The following LRIF1 variants were observed in gnomAD, a reference collection of about 807,000 sequenced individuals.
LRIF1 encodes ligand-dependent nuclear receptor-interacting factor 1.
In LRIF1, 32 loss-of-function variants were observed where a neutral mutation model predicts 52.7. That is an observed-to-expected ratio of 0.61 (90% CI 0.46 to 0.82). The LOEUF (loss-of-function observed/expected upper bound fraction) is 0.82, where lower values mean the gene tolerates loss of function less well. LRIF1 is among the 40% of genes least tolerant of loss of function. The pLI is 0.00. For missense variants in LRIF1, 887 were observed against 892.0 expected, an observed-to-expected ratio of 0.99 and a Z score of 0.07; for synonymous variants, 323 against 317.4, an observed-to-expected ratio of 1.02 and a Z score of -0.19.
chr1:110,962,083 C>CACACAG (rs1312522366), intron 1 of LRIF1, among the ~76,000 whole-genome samples: 54 of 151,754 alleles, frequency 3.6e-4, no homozygotes, highest in African/African-American at 1.3e-3. Flanking sequence ...CACACACACA[C>CACACAG]ACACACACAC....
chr1:110,931,101 A>G, the LRIF1 span, among the ~76,000 whole-genome samples: 1 of 152,074 alleles, frequency 6.6e-6, no homozygotes, highest in African/African-American at 2.4e-5. Context: ...CGTCATTTAC[A>G]TTAGGTATTT....
chr1:110,930,968 C>T, the LRIF1 span, among the ~76,000 whole-genome samples: 1 of 151,868 alleles, frequency 6.6e-6, no homozygotes, highest in African/African-American at 2.4e-5. Flanking sequence ...GCCTGTGGTA[C>T]CATCAAAAGG....
At chr1:110,910,661 C>T in the LRIF1 span, among the ~76,000 whole-genome samples, 2 of 152,190 alleles carry the variant, frequency 1.3e-5, no homozygotes, top group Admixed American at 1.3e-4. Context: ...TCTCTAAGAC[C>T]ACAGTGCAAT....
the LRIF1 span, among the ~76,000 whole-genome samples, chr1:110,887,613 CTT>C: frequency 1.3e-5 from 2 of 152,298 alleles, no homozygotes; most frequent in Admixed American, 6.5e-5. Flanking sequence ...GGCCCTTACT[CTT>C]AAGATTTGTT....
In LRIF1 at chr1:110,951,623, A is replaced by G; in HGVS notation, c.1261T>C (p.Ser421Pro). The part of the protein sequence containing the change: ...VVNIVLAKSK[S>P]SQMETKSLSN... Reference sequence around the variant, plus strand: ...AGTGATTTTGTCTCCATCTGGGAAGATTTACTTTTAGCCAAAACAATATTT... The same window carrying G: ...AGTGATTTTGTCTCCATCTGGGAAGGTTTACTTTTAGCCAAAACAATATTT... Residue 421 changes from serine (S) to proline (P), a missense_variant, in exon 2 of 4, where the codon TCT (serine) becomes CCT (proline). Coordinates refer to ENST00000369763, the MANE Select transcript of LRIF1 (RefSeq NM_018372.4). The G allele has an allele frequency of 1.2e-6, 2 of 1,614,024 alleles. No homozygotes were observed. Among genetic ancestry groups the G allele is most frequent in the East Asian group, 2.2e-5 (1 of 44,876 alleles).
the LRIF1 span, among the ~76,000 whole-genome samples, chr1:110,906,767 C>T: frequency 6.6e-6 from 1 of 151,840 alleles, no homozygotes; most frequent in Non-Finnish European, 1.5e-5. Flanking sequence ...GCTATAGATT[C>T]AATGCAGTCT....
chr1:110,963,288 C>T, intron 1 of LRIF1: 2 of 184,638 alleles, frequency 1.1e-5, no homozygotes, highest in Non-Finnish European at 2.3e-5. Context: ...TCTGCGTGTG[C>T]GTGAGAATCT....
rs1315235940 is a variant in LRIF1 at position 110,951,177 on chromosome 1, T to C, written c.1596+111A>G. 3.5e-6 allele frequency: 3 copies of C among 853,830 alleles called. No homozygotes were observed. The East Asian group carries it at 7.8e-5, about 22-fold the overall frequency. 52.9% of individuals were successfully genotyped at this position (853,830 alleles called of 1,614,324 possible). ...TACTCATATGTGTATAGTCTGTGTG[T>C]GATGGGGTTGGCAGTGGGGGAAAGA... On this transcript the variant is annotated intron_variant, in intron 2 of 3. Transcript: ENST00000369763.
the LRIF1 span, among the ~76,000 whole-genome samples, chr1:110,884,537 C>T: frequency 6.6e-6 from 1 of 152,128 alleles, no homozygotes; most frequent in Non-Finnish European, 1.5e-5. Flanking sequence ...CTGATTCCAT[C>T]AACTATTGAG....
the LRIF1 span, among the ~76,000 whole-genome samples, chr1:110,909,791 G>A: frequency 6.6e-6 from 1 of 151,884 alleles, no homozygotes; most frequent in Non-Finnish European, 1.5e-5. Flanking sequence ...ATGTTGGTCA[G>A]GCTGGTCTCG....
At chr1:110,959,895 G>A (rs1198289409) in intron 1 of LRIF1, among the ~76,000 whole-genome samples, 2 of 151,922 alleles carry the variant, frequency 1.3e-5, no homozygotes, top group Non-Finnish European at 2.9e-5. Context: ...GAAGGCTGAT[G>A]AACATTTTAT....
intron 1 of LRIF1, among the ~76,000 whole-genome samples, chr1:110,953,613 T>C (rs1483616960): frequency 6.6e-6 from 1 of 152,342 alleles, no homozygotes; most frequent in East Asian, 1.9e-4. Context: ...GTATAGACTG[T>C]CTAATCTTAA....
the LRIF1 span, among the ~76,000 whole-genome samples, chr1:110,902,440 C>T: frequency 7.7e-5 from 11 of 143,244 alleles, 1 homozygote; most frequent in Non-Finnish European, 1.7e-4. Flanking sequence ...AGAAACATCC[C>T]TTAACAGCAT....
the LRIF1 span, among the ~76,000 whole-genome samples, chr1:110,903,239 G>A: frequency 4.6e-5 from 7 of 152,208 alleles, no homozygotes; most frequent in Non-Finnish European, 7.3e-5. Flanking sequence ...ATTGAACCAG[G>A]CCCAGAGACA....
the LRIF1 span, among the ~76,000 whole-genome samples, chr1:110,886,869 A>ATATATATATATATTTTTTTTT: frequency 3.6e-5 from 3 of 82,800 alleles, no homozygotes; most frequent in African/African-American, 5.3e-5. Context: ...ATATATATAT[A>ATATATATATATATTTTTTTTT]TTTTTTTTTT....
At chr1:110,963,122 A>T (rs896575393) in intron 1 of LRIF1, among the ~76,000 whole-genome samples, 1 of 152,150 alleles carries the variant, frequency 6.6e-6, no homozygotes, top group Non-Finnish European at 1.5e-5. Flanking sequence ...TCTTCACATA[A>T]AACTATTACT....
chr1:110,880,990 A>G, the LRIF1 span, among the ~76,000 whole-genome samples: 2 of 152,344 alleles, frequency 1.3e-5, no homozygotes, highest in Admixed American at 6.5e-5. Flanking sequence ...GCAAAGAAAC[A>G]CATTACCAAA....
chr1:110,941,867 T>A, the LRIF1 span: 1 of 152,152 alleles, frequency 6.6e-6, no homozygotes, highest in South Asian at 2.1e-4. Flanking sequence ...TCCCTCTAGG[T>A]AATCAGCCTT....
At chr1:110,930,250 T>A in the LRIF1 span, among the ~76,000 whole-genome samples, 8 of 152,226 alleles carry the variant, frequency 5.3e-5, no homozygotes, top group Non-Finnish European at 1.2e-4. Flanking sequence ...AGCCATTTTG[T>A]AGAATGCCCC....
Sources: gnomAD v4.1 joint callset for allele counts (sites outside exome capture counted in the v4.1 genomes callset) on GRCh38, gnomAD v4.1.1 for gene constraint, MANE v1.5 for transcripts, NCBI Gene and HGNC (gene_info 2026-07-23, HGNC 2026-07-21) for gene names.